Variants in MIER1 observed in about 807,000 individuals in gnomAD.
MIER1 encodes the protein mesoderm induction early response protein 1.
In MIER1, 40 loss-of-function variants were observed where a neutral mutation model predicts 75.7. The observed-to-expected ratio is 0.53, with a 90% CI of 0.41 to 0.69. The LOEUF (loss-of-function observed/expected upper bound fraction) is 0.69, where lower values mean the gene tolerates loss of function less well. Among genes scored for constraint, MIER1 ranks in the 30% least tolerant of loss-of-function variants. The pLI, the probability that MIER1 is intolerant of heterozygous loss-of-function variation, is 0.00. For synonymous variants in MIER1, 213 were observed against 223.4 expected, an observed-to-expected ratio of 0.95 and a Z score of 0.42; for missense variants, 574 against 680.2, an observed-to-expected ratio of 0.84 and a Z score of 1.74.
intron 2 of MIER1, among the ~76,000 whole-genome samples, chr1:66,933,472 G>A (rs2101089014): frequency 6.6e-6 from 1 of 151,974 alleles, no homozygotes; most frequent in East Asian, 1.9e-4. Flanking sequence ...TTTCAAAGAG[G>A]GTATATAATC....
intron 7 of MIER1, among the ~76,000 whole-genome samples, chr1:66,961,770 G>A (rs1661296887): frequency 6.6e-6 from 1 of 152,184 alleles, no homozygotes; most frequent in African/African-American, 2.4e-5. Context: ...AGAGGCACAA[G>A]ATGTGACAAT....
chr1:66,961,494 G>T (rs775210880), intron 7 of MIER1, among the ~76,000 whole-genome samples: 1 of 152,076 alleles, frequency 6.6e-6, no homozygotes, highest in Admixed American at 6.6e-5. Flanking sequence ...CTGTACTACC[G>T]AACAAATTAA....
intron 2 of MIER1, among the ~76,000 whole-genome samples, chr1:66,939,584 A>G (rs1255057013): frequency 3.3e-5 from 5 of 152,164 alleles, no homozygotes; most frequent in African/African-American, 1.2e-4. Flanking sequence ...TATTTGAGAT[A>G]GTGTCCTAAA....
chr1:66,950,411 A>AG (rs1295838550), intron 4 of MIER1, among the ~76,000 whole-genome samples: 1 of 152,168 alleles, frequency 6.6e-6, no homozygotes, highest in Non-Finnish European at 1.5e-5. Context: ...ACCTGGCCAT[A>AG]GATACATTTT....
intron 7 of MIER1, among the ~76,000 whole-genome samples, chr1:66,962,009 C>A (rs191410892): frequency 1.1e-4 from 16 of 152,316 alleles, no homozygotes; most frequent in African/African-American, 3.6e-4. Context: ...CTTTCCAAAT[C>A]CTAAGAGTTA....
In MIER1 at chr1:66,959,575, A is replaced by G. The variant is rs540060501; in HGVS notation, c.635-104A>G. On this transcript the variant is annotated intron_variant, in intron 6 of 13. Coordinates refer to ENST00000401041, the MANE Select transcript of MIER1 (RefSeq NM_001077700.3). ...AATATCTTGGCTTAATTCATTAGAT[A>G]TCTTTGAGCATATCCAAATATTTGA... The G allele has an allele frequency of 2.6e-3, 1,517 of 579,180 alleles. 19 individuals are homozygous for G. The highest frequency in any genetic ancestry group is 4.2e-4 in the Non-Finnish European group (138 of 330,144). 35.9% of individuals were successfully genotyped at this position (579,180 alleles called of 1,614,324 possible). A position where few individuals can be genotyped will look rare whatever the true frequency, so the allele number is the denominator to read the frequency against.
At position 66,985,889 on chromosome 1, in the gene MIER1, G is replaced by C. The variant is rs1391356699; in HGVS notation, c.*989G>C. The C allele has an allele frequency of 8.5e-6, 8 of 942,510 alleles. No homozygotes were observed. The highest frequency in any genetic ancestry group is 1.0e-5 in the Non-Finnish European group (8 of 796,128). The allele number at this position is 942,510 out of a possible 1,614,324, so 58.4% of individuals were successfully genotyped here. On this transcript the variant is annotated 3_prime_UTR_variant, in exon 14 of 14. Coordinates refer to ENST00000401041, the MANE Select transcript of MIER1 (RefSeq NM_001077700.3). Reference sequence around the variant, plus strand: ...TGAGAATTCTGAAATTAAGCATGATGCTTAGATTGCAGTTTGTTTTGCATT... The same window carrying C: ...TGAGAATTCTGAAATTAAGCATGATCCTTAGATTGCAGTTTGTTTTGCATT...
intron 8 of MIER1, among the ~76,000 whole-genome samples, chr1:66,968,529 C>G (rs574894029): frequency 6.6e-6 from 1 of 151,942 alleles, no homozygotes; most frequent in African/African-American, 2.4e-5. Context: ...TTCATTGATA[C>G]GTGGAAACCT....
chr1:66,936,273 A>G (rs1224739641), intron 2 of MIER1, among the ~76,000 whole-genome samples: 1 of 151,666 alleles, frequency 6.6e-6, no homozygotes, highest in South Asian at 2.1e-4. Context: ...CCCAGGCTGG[A>G]GTGCGGTGGC....
intron 2 of MIER1, among the ~76,000 whole-genome samples, chr1:66,928,703 A>G (rs750301698): frequency 3.0e-4 from 45 of 152,248 alleles, no homozygotes; most frequent in Admixed American, 2.0e-4. Flanking sequence ...CAGGGTAACT[A>G]TTAGAAACTA....
intron 2 of MIER1, chr1:66,928,954 A>C: frequency 6.2e-7 from 1 of 1,601,812 alleles, no homozygotes; most frequent in Non-Finnish European, 8.5e-7. Flanking sequence ...TTTTCCTGTC[A>C]AATTACCAGG....
At chr1:66,969,348 C>T (rs779930689) in intron 8 of MIER1, among the ~76,000 whole-genome samples, 37 of 151,702 alleles carry the variant, frequency 2.4e-4, no homozygotes, top group Non-Finnish European at 5.4e-4. Flanking sequence ...GATCGAGAAC[C>T]ATCCTGGCTA....
At chr1:66,945,267 G>GTGTGTA (rs1244341605) in intron 3 of MIER1, among the ~76,000 whole-genome samples, 2 of 141,874 alleles carry the variant, frequency 1.4e-5, no homozygotes, top group Non-Finnish European at 3.1e-5. Flanking sequence ...TCTGGTGTGT[G>GTGTGTA]TATATATATA....
intron 8 of MIER1, among the ~76,000 whole-genome samples, chr1:66,964,385 T>A (rs1241137523): frequency 6.6e-6 from 1 of 151,858 alleles, no homozygotes; most frequent in East Asian, 1.9e-4. Flanking sequence ...AGATTTTTTT[T>A]AAAGAGTCTG....
intron 4 of MIER1, among the ~76,000 whole-genome samples, chr1:66,955,349 T>TG (rs1226884305): frequency 2.1e-5 from 3 of 139,554 alleles, no homozygotes; most frequent in Non-Finnish European, 3.1e-5. Context: ...TTTTTTTTTT[T>TG]TTTTTTTTTT....
chr1:66,943,126 A>G (rs1656650746), intron 3 of MIER1, among the ~76,000 whole-genome samples: 1 of 152,186 alleles, frequency 6.6e-6, no homozygotes, highest in African/African-American at 2.4e-5. Context: ...TTGTAGGGAT[A>G]CATGATTACT....
At chr1:66,932,187 A>G (rs1355918906) in intron 2 of MIER1, among the ~76,000 whole-genome samples, 4 of 152,192 alleles carry the variant, frequency 2.6e-5, no homozygotes, top group African/African-American at 9.7e-5. Context: ...AAATATTTTG[A>G]TTCACTAATC....
chr1:66,946,322 G>A (rs368919535), intron 4 of MIER1, 27 bp downstream of exon 4: 2 of 1,547,066 alleles, frequency 1.3e-6, no homozygotes, highest in African/African-American at 2.8e-5. Flanking sequence ...GCTAGGGTAT[G>A]AATTGGTTAT....
intron 2 of MIER1, among the ~76,000 whole-genome samples, chr1:66,931,378 C>G (rs1163117038): frequency 6.6e-6 from 1 of 152,046 alleles, no homozygotes; most frequent in Non-Finnish European, 1.5e-5. Context: ...TTTCAGTATT[C>G]TTTATTCCTG....
Sources: allele counts gnomAD v4.1 joint callset (sites outside exome capture counted in the v4.1 genomes callset), GRCh38; gene constraint gnomAD v4.1.1; transcripts MANE v1.5; gene names NCBI Gene and HGNC (gene_info 2026-07-23, HGNC 2026-07-21).